The following NDST3 variants were observed in gnomAD, a reference collection of about 807,000 sequenced individuals.
The protein encoded by NDST3 is N-deacetylase and N-sulfotransferase 3, also known as bifunctional heparan sulfate N-deacetylase/N-sulfotransferase 3.
A neutral mutation model predicts 96.1 loss-of-function variants in NDST3; 58 were observed. The ratio of observed to expected loss-of-function variants is 0.60; its 90% CI spans 0.49 to 0.75. The LOEUF (loss-of-function observed/expected upper bound fraction) is 0.75, where lower values mean the gene tolerates loss of function less well. NDST3 is among the 30% of genes least tolerant of loss of function. The probability of loss-of-function intolerance (pLI) is 0.00; values close to 1 mark genes in which losing one functional copy is unlikely to be tolerated. For synonymous variants in NDST3, 333 were observed against 359.7 expected (o/e 0.93, Z 0.84); for missense variants, 788 against 1,034.2 (o/e 0.76, Z 3.27).
intron 2 of NDST3, 106 bp downstream of exon 2, chr4:118,054,997 T>C (rs769196819): frequency 7.3e-7 from 1 of 1,367,086 alleles, no homozygotes; most frequent in Non-Finnish European, 1.0e-6. Flanking sequence ...TGGGATTTAC[T>C]GGGAAAGTCT....
At chr4:118,191,670 A>G (rs1180196436) in intron 6 of NDST3, among the ~76,000 whole-genome samples, 2 of 152,352 alleles carry the variant, frequency 1.3e-5, no homozygotes, top group South Asian at 2.1e-4. Context: ...TACATAATGG[A>G]AAATGGGAAT....
chr4:118,224,305 A>G (rs1015362455), intron 6 of NDST3, among the ~76,000 whole-genome samples, 186 bp from the exon 7 acceptor site: 3 of 152,134 alleles, frequency 2.0e-5, no homozygotes, highest in Non-Finnish European at 4.4e-5. Context: ...TCTTGCTGAT[A>G]ACACATCCTC....
At chr4:118,210,253 G>A (rs1738696963) in intron 6 of NDST3, among the ~76,000 whole-genome samples, 1 of 152,118 alleles carries the variant, frequency 6.6e-6, no homozygotes, top group Admixed American at 6.5e-5. Flanking sequence ...GACCATCAGA[G>A]AGCTTAAGAG....
chr4:118,038,918 G>C (rs1055923034), intron 1 of NDST3, among the ~76,000 whole-genome samples: 3 of 152,176 alleles, frequency 2.0e-5, no homozygotes, highest in Admixed American at 2.0e-4. Flanking sequence ...GTGGGTGTTA[G>C]TGGAAGAGAA....
chr4:118,077,385 A>G (rs1727633998), intron 2 of NDST3, among the ~76,000 whole-genome samples: 1 of 152,164 alleles, frequency 6.6e-6, no homozygotes, highest in South Asian at 2.1e-4. Flanking sequence ...TTGGTGTTGT[A>G]TTTTGGGCTG....
rs973520509 is a variant in NDST3, at chr4:118,258,057, C to G, written c.*2345C>G. On this transcript the variant is annotated 3_prime_UTR_variant, in exon 14 of 14. Coordinates refer to ENST00000296499, the MANE Select transcript of NDST3 (RefSeq NM_004784.3). ...TTTAATGGTAAGATGTACATTTGAA[C>G]TGCTAAGCAAAGCTGCTAATGGCCT... The G allele has an allele frequency of 3.3e-5, 5 of 152,194 alleles. No homozygotes were observed. Among genetic ancestry groups the G allele is most frequent in the African/African-American group, 1.2e-4 (5 of 41,448 alleles). 9.4% of individuals were successfully genotyped at this position (152,194 alleles called of 1,614,324 possible).
rs1351956111 is a variant in NDST3 at position 118,256,916 on chromosome 4, A to C, written c.*1204A>C. On this transcript the variant is annotated 3_prime_UTR_variant, in exon 14 of 14. Coordinates refer to ENST00000296499, the MANE Select transcript of NDST3 (RefSeq NM_004784.3). ...AGGCAAAGAAACATAAGCAGAGCAG[A>C]GGCCCATTTTTGAAAATATTTCACC... The C allele has an allele frequency of 2.0e-5, 3 of 152,194 alleles. No individual in the cohort carries two copies. The highest frequency in any genetic ancestry group is 4.4e-5 in the Non-Finnish European group (3 of 68,034). 9.4% of individuals were successfully genotyped at this position (152,194 alleles called of 1,614,324 possible).
intron 6 of NDST3, among the ~76,000 whole-genome samples, chr4:118,145,983 C>G (rs1733912578): frequency 6.6e-6 from 1 of 152,184 alleles, no homozygotes; most frequent in South Asian, 2.1e-4. Flanking sequence ...GGCCGGACTA[C>G]TATAATTAGT....
chr4:118,242,307 T>C (rs1741059520), intron 12 of NDST3, among the ~76,000 whole-genome samples, 158 bp downstream of exon 12: 1 of 151,482 alleles, frequency 6.6e-6, no homozygotes, highest in Non-Finnish European at 1.5e-5. Flanking sequence ...ATTTCAACAG[T>C]GTGACACAGA....
At chr4:118,214,293 C>G (rs1739047506) in intron 6 of NDST3, among the ~76,000 whole-genome samples, 1 of 152,162 alleles carries the variant, frequency 6.6e-6, no homozygotes, top group Non-Finnish European at 1.5e-5. Context: ...ACAGACTCTA[C>G]AGCTGCACCA....
intron 4 of NDST3, among the ~76,000 whole-genome samples, chr4:118,132,594 A>T (rs984452365): frequency 1.3e-5 from 2 of 152,062 alleles, no homozygotes; most frequent in African/African-American, 4.8e-5. Context: ...TGCAAAACAA[A>T]GTCCCCTTTA....
chr4:118,042,111 T>C (rs1724505696), intron 1 of NDST3, among the ~76,000 whole-genome samples: 1 of 152,184 alleles, frequency 6.6e-6, no homozygotes, highest in South Asian at 2.1e-4. Flanking sequence ...TTATATAACA[T>C]TGTGATTTTG....
At chr4:118,168,093 A>G (rs912494575) in intron 6 of NDST3, among the ~76,000 whole-genome samples, 2 of 152,022 alleles carry the variant, frequency 1.3e-5, no homozygotes, top group Non-Finnish European at 2.9e-5. Flanking sequence ...GCTTCTGCAC[A>G]TTAAAAAAAA....
intron 2 of NDST3, among the ~76,000 whole-genome samples, chr4:118,099,180 C>T (rs1418993114): frequency 1.3e-5 from 2 of 152,052 alleles, no homozygotes; most frequent in Non-Finnish European, 2.9e-5. Context: ...GTCCAAGCCT[C>T]GTATTATTAC....
intron 6 of NDST3, among the ~76,000 whole-genome samples, chr4:118,153,024 C>A (rs1281353792): frequency 2.0e-5 from 3 of 152,156 alleles, no homozygotes; most frequent in African/African-American, 7.2e-5. Flanking sequence ...GCAACGGCTA[C>A]CTGAGAACCA....
At chr4:118,170,691 T>A (rs1218861137) in intron 6 of NDST3, among the ~76,000 whole-genome samples, 1 of 152,056 alleles carries the variant, frequency 6.6e-6, no homozygotes, top group Non-Finnish European at 1.5e-5. Context: ...ATCGCACCAC[T>A]GCACTCCAGC....
At chr4:118,242,286 A>G (rs866079408) in intron 12 of NDST3, 137 bp downstream of exon 12, 130 of 497,708 alleles carry the variant, frequency 2.6e-4, no homozygotes, top group Admixed American at 4.2e-4. Context: ...TTAACCACGG[A>G]AAAAAAAAAC....
At chr4:118,054,948 A>G in intron 2 of NDST3, 57 bp downstream of exon 2, 1 of 1,589,088 alleles carries the variant, frequency 6.3e-7, no homozygotes, top group South Asian at 1.1e-5. Flanking sequence ...CAGGGATACA[A>G]CTATCCCAGT....
At chr4:118,092,361 C>T (rs759518799) in intron 2 of NDST3, among the ~76,000 whole-genome samples, 1 of 151,694 alleles carries the variant, frequency 6.6e-6, no homozygotes, top group African/African-American at 2.4e-5. Context: ...TTACCTTTCT[C>T]AAGAACCTTC....
Sources: gnomAD v4.1 joint callset for allele counts (sites outside exome capture counted in the v4.1 genomes callset) on GRCh38, gnomAD v4.1.1 for gene constraint, MANE v1.5 for transcripts, NCBI Gene and HGNC (gene_info 2026-07-23, HGNC 2026-07-21) for gene names.